The following EYS variants were observed in gnomAD, a reference collection of about 807,000 sequenced individuals.
The protein encoded by EYS is EGF-like photoreceptor maintenance factor.
In EYS, 250 loss-of-function variants were observed where a neutral mutation model predicts 282.1. The ratio of observed to expected loss-of-function variants is 0.89; its 90% CI spans 0.80 to 0.98. EYS has a LOEUF of 0.98. EYS is among the 50% of genes least tolerant of loss of function. EYS has a pLI of 0.00. For missense variants in EYS, 4,016 were observed against 3,709.0 expected, an observed-to-expected ratio of 1.08 and a Z score of -2.15; for synonymous variants, 1,355 against 1,282.9, an observed-to-expected ratio of 1.06 and a Z score of -1.20.
At chr6:64,311,412 G>A (rs944204770) in intron 29 of EYS, among the ~76,000 whole-genome samples, 1 of 152,180 alleles carries the variant, frequency 6.6e-6, no homozygotes, top group South Asian at 2.1e-4. Flanking sequence ...TTGTAGTCAC[G>A]TGCTGCTGTG....
At chr6:64,684,070 T>C (rs1019903989) in intron 22 of EYS, among the ~76,000 whole-genome samples, 1 of 152,146 alleles carries the variant, frequency 6.6e-6, no homozygotes, top group Non-Finnish European at 1.5e-5. Context: ...TCTTTTACCT[T>C]CACCTTCGTT....
At chr6:65,031,814 C>G (rs1261644986) in intron 13 of EYS, among the ~76,000 whole-genome samples, 1 of 151,452 alleles carries the variant, frequency 6.6e-6, no homozygotes, top group Non-Finnish European at 1.5e-5. Context: ...CCATCACACT[C>G]AGAGGGACCA....
At chr6:64,663,817 G>A (rs1203338034) in intron 22 of EYS, among the ~76,000 whole-genome samples, 2 of 152,130 alleles carry the variant, frequency 1.3e-5, no homozygotes, top group Non-Finnish European at 2.9e-5. Context: ...TTGGCCTCAA[G>A]GATTCCAAGG....
chr6:65,138,686 AC>A (rs760359239), intron 12 of EYS, among the ~76,000 whole-genome samples: 1 of 152,086 alleles, frequency 6.6e-6, no homozygotes, highest in African/African-American at 2.4e-5. Context: ...TGAACTACCA[AC>A]AAGAGTTCAG....
chr6:64,803,078 A>G (rs1444170449), intron 22 of EYS, among the ~76,000 whole-genome samples: 1 of 152,148 alleles, frequency 6.6e-6, no homozygotes, highest in Non-Finnish European at 1.5e-5. Context: ...TGGTTCCCAG[A>G]AGCTTGGAGA....
At chr6:64,401,163 CA>C (rs919434441) in intron 28 of EYS, among the ~76,000 whole-genome samples, 69 of 152,106 alleles carry the variant, frequency 4.5e-4, no homozygotes, top group African/African-American at 1.5e-3. Context: ...GATAAATATT[CA>C]AAAAGGCAGA....
chr6:65,374,502 G>GTTTTTTTT (rs70999201), intron 8 of EYS, among the ~76,000 whole-genome samples: 1 of 144,560 alleles, frequency 6.9e-6, no homozygotes, highest in Non-Finnish European at 1.5e-5. Flanking sequence ...TACCTGCGGA[G>GTTTTTTTT]TTTTTTTTTT....
intron 26 of EYS, among the ~76,000 whole-genome samples, chr6:64,557,518 T>C (rs983549391): frequency 2.0e-5 from 3 of 152,008 alleles, no homozygotes; most frequent in African/African-American, 4.8e-5. Flanking sequence ...GTAATGGTGT[T>C]GGTTATTTTC....
rs181079181 is a variant in EYS at position 65,513,039 on chromosome 6, C to T, written c.-332-17046G>A. On this transcript the variant is annotated intron_variant, in intron 2 of 42. Coordinates refer to ENST00000503581, the MANE Select transcript of EYS (RefSeq NM_001142800.2). ...AAGGATCAACAAAATTGATAGACCG[C>T]TAGCAAGACTAATAAAGAAGAAAAG... Among the ~76,000 whole-genome samples, 1,171 of 152,170 alleles carry T rather than the reference C, an allele frequency of 7.7e-3. 19 individuals are homozygous for T. The highest frequency in any genetic ancestry group is 0.025 in the African/African-American group (1,044 of 41,514).
chr6:64,193,814 T>C (rs1433110537), intron 31 of EYS, among the ~76,000 whole-genome samples: 1 of 152,136 alleles, frequency 6.6e-6, no homozygotes, highest in Non-Finnish European at 1.5e-5. Flanking sequence ...TCCATGTCCC[T>C]ACAAAGGACA....
chr6:64,139,123 T>G (rs1774256592), intron 31 of EYS, among the ~76,000 whole-genome samples: 1 of 152,064 alleles, frequency 6.6e-6, no homozygotes, highest in South Asian at 2.1e-4. Flanking sequence ...GAAAAGAATT[T>G]GAGAAGGCTG....
At chr6:64,568,965 C>T (rs1004037189) in intron 26 of EYS, among the ~76,000 whole-genome samples, 1 of 150,440 alleles carries the variant, frequency 6.6e-6, no homozygotes, top group Non-Finnish European at 1.5e-5. Context: ...CACACAGAAA[C>T]CCCATCCAAA....
chr6:64,820,338 A>C (rs1583191750), intron 21 of EYS, among the ~76,000 whole-genome samples: 1 of 152,238 alleles, frequency 6.6e-6, no homozygotes, highest in African/African-American at 2.4e-5. Flanking sequence ...ACGCATGCAT[A>C]TATACATACA....
chr6:64,578,191 T>G (rs1765943431), intron 26 of EYS, among the ~76,000 whole-genome samples: 1 of 152,024 alleles, frequency 6.6e-6, no homozygotes, highest in Non-Finnish European at 1.5e-5. Flanking sequence ...CTTCTCTGCT[T>G]AAACCCCTGG....
rs1044679782 is a variant in EYS, at chr6:63,721,444, A to G, written c.8587T>C (p.Phe2863Leu). The stretch of plus-strand genomic sequence containing the variant: ...ACATTTGAGCCACCTTTTGCTCCAA[A>G]TTCAGTTAATTGTAATTCTTGATTA... ...INNQELQLTE[F>L]GAKGGSNVGD... Residue 2863 changes from phenylalanine (F) to leucine (L), a missense_variant, in exon 43 of 43, where the codon TTT becomes CTT. Coordinates refer to ENST00000503581, the MANE Select transcript of EYS (RefSeq NM_001142800.2). 97 of 1,551,558 alleles carry G rather than the reference A, an allele frequency of 6.3e-5. No individual in the cohort carries two copies. Among genetic ancestry groups the G allele is most frequent in the Non-Finnish European group, 7.8e-5 (89 of 1,146,938 alleles).
rs371032798 is a variant in EYS, at chr6:64,945,794, G to T, written c.2380C>A (p.Arg794=). The T allele has an allele frequency of 1.9e-6, 3 of 1,548,598 alleles. No homozygotes were observed. Among genetic ancestry groups the T allele is most frequent in the African/African-American group, 2.7e-5 (2 of 72,836 alleles). ...STCTDLYKSY[R]CECTSGWTGQ... is the part of the protein sequence containing the mutation. ...GAAAGCTAAAAATATGTTACTCACC[G>T]ATAGCTTTTGTAAAGGTCAGTACAG... The change falls in exon 15 of 43, where the codon CGA becomes AGA. Residue 794 remains arginine, a splice_region_variant and synonymous_variant. Coordinates refer to ENST00000503581, the MANE Select transcript of EYS (RefSeq NM_001142800.2).
intron 29 of EYS, among the ~76,000 whole-genome samples, chr6:64,336,718 G>C (rs1770862950): frequency 6.6e-6 from 1 of 152,014 alleles, no homozygotes; most frequent in Non-Finnish European, 1.5e-5. Flanking sequence ...TAGACCATAT[G>C]ATAGGTCATA....
chr6:63,858,428 A>G (rs894843661), intron 36 of EYS, among the ~76,000 whole-genome samples: 7 of 152,160 alleles, frequency 4.6e-5, no homozygotes, highest in Middle Eastern at 3.2e-3. Flanking sequence ...CTGCTTTTAA[A>G]TATGTGCCAA....
intron 11 of EYS, among the ~76,000 whole-genome samples, chr6:65,297,929 C>G (rs1768711742): frequency 1.3e-5 from 2 of 152,004 alleles, no homozygotes. Context: ...TAACAGTGTT[C>G]TGATTGGGGT....
Sources: allele counts gnomAD v4.1 joint callset (sites outside exome capture counted in the v4.1 genomes callset), GRCh38; gene constraint gnomAD v4.1.1; transcripts MANE v1.5; gene names NCBI Gene and HGNC (gene_info 2026-07-23, HGNC 2026-07-21).